The following SORL1 variants were observed in gnomAD, a reference collection of about 807,000 sequenced individuals.
The protein encoded by SORL1 is sortilin-related receptor.
Under a neutral mutation model 273.7 loss-of-function variants are expected in SORL1, and 127 were observed. The ratio of observed to expected loss-of-function variants is 0.46; its 90% CI spans 0.40 to 0.54. The LOEUF (loss-of-function observed/expected upper bound fraction) is 0.54. Among genes scored for constraint, SORL1 ranks in the 20% least tolerant of loss-of-function variants. The probability of loss-of-function intolerance (pLI) is 0.00; values close to 1 mark genes in which losing one functional copy is unlikely to be tolerated. For synonymous variants in SORL1, 1,031 were observed against 1,067.4 expected (o/e 0.97, Z 0.66); for missense variants, 2,494 against 2,846.1 (o/e 0.88, Z 2.81).
chr11:121,492,140 C>G (rs1861562751), intron 5 of SORL1, among the ~76,000 whole-genome samples: 1 of 152,116 alleles, frequency 6.6e-6, no homozygotes, highest in African/African-American at 2.4e-5. Context: ...GTGGGTGGAC[C>G]ATCTGAGGTC....
chr11:121,586,116 T>C, intron 26 of SORL1, 106 bp from the exon 27 acceptor site: 2 of 818,804 alleles, frequency 2.4e-6, no homozygotes, highest in Non-Finnish European at 4.3e-6. Context: ...ACAGCCAAAT[T>C]GCCCTCCCCA....
At chr11:121,493,121 G>A (rs931093492) in intron 5 of SORL1, among the ~76,000 whole-genome samples, 1 of 152,114 alleles carries the variant, frequency 6.6e-6, no homozygotes, top group Non-Finnish European at 1.5e-5. Flanking sequence ...TAGGACTACA[G>A]GCATGTGCAG....
rs757083831 is a variant in SORL1, at chr11:121,559,603, A to G, written c.2995A>G (p.Asn999Asp). ...YSGSQMEILA[N>D]QLTGLMDMKI... ...TGGGTCCCAGATGGAGATTCTGGCA[A>G]ACCAGCTCACGGGGCTCATGGACAT... Residue 999 changes from asparagine (N) to aspartate (D), a missense_variant, in exon 21 of 48, where the codon AAC (asparagine) becomes GAC (aspartate). Physicochemically the swap from Asn to Asp is conservative, Grantham distance 23 (BLOSUM62 1). Coordinates refer to ENST00000260197, the MANE Select transcript of SORL1 (RefSeq NM_003105.6). The G allele has an allele frequency of 5.0e-5, 81 of 1,614,048 alleles. No individual in the cohort carries two copies. The highest frequency in any genetic ancestry group is 2.2e-4 in the Admixed American group (13 of 60,002).
intron 31 of SORL1, among the ~76,000 whole-genome samples, chr11:121,591,456 C>T (rs1047052192): frequency 2.6e-5 from 4 of 152,218 alleles, no homozygotes; most frequent in Admixed American, 1.3e-4. Flanking sequence ...GGTTATGCCA[C>T]CTTTGCTGCC....
At chr11:121,486,986 C>T (rs1861483516) in intron 3 of SORL1, among the ~76,000 whole-genome samples, 1 of 152,120 alleles carries the variant, frequency 6.6e-6, no homozygotes, top group Non-Finnish European at 1.5e-5. Flanking sequence ...CTCATCAAAC[C>T]CATGCTATAT....
intron 3 of SORL1, 24 bp from the exon 4 acceptor site, chr11:121,488,008 C>T: frequency 6.2e-7 from 1 of 1,612,946 alleles, no homozygotes; most frequent in East Asian, 2.2e-5. Flanking sequence ...GGCCTGCTCT[C>T]AACTTACCTG....
At chr11:121,612,522 G>T in intron 39 of SORL1, 2 of 375,398 alleles carry the variant, frequency 5.3e-6, no homozygotes, top group Non-Finnish European at 9.8e-6. Context: ...ATATGGTCTC[G>T]TTTGTTTTTA....
chr11:121,607,799 T>C lies in SORL1; in HGVS notation c.5167-305T>C, dbSNP rs143571589. On this transcript the variant is annotated intron_variant, in intron 37 of 47. Transcript: ENST00000260197. ...ATTTTGTCAGTACCCTTTTTGTATA[T>C]GTGTGTATTTATGAACACACCCCCC... Among the ~76,000 whole-genome samples the C allele has an allele frequency of 2.0e-3, 299 of 152,354 alleles. 1 individual carries two copies. The highest frequency in any genetic ancestry group is 6.9e-3 in the African/African-American group (285 of 41,588).
At chr11:121,619,196 G>A (rs541200232) in intron 42 of SORL1, among the ~76,000 whole-genome samples, 2 of 152,322 alleles carry the variant, frequency 1.3e-5, no homozygotes, top group South Asian at 4.1e-4. Context: ...ATACTTTTAT[G>A]TGTGTGCCAA....
chr11:121,470,006 G>T lies in SORL1; in HGVS notation c.286-1G>T. On this transcript the variant is annotated splice_acceptor_variant, in intron 1 of 47. Coordinates refer to ENST00000260197, the MANE Select transcript of SORL1 (RefSeq NM_003105.6). LOFTEE classifies it high-confidence loss of function. ...CTAATTCCTACATTGATCTCTTTCA[G>T]GTTAGTCTGAATGATTCCCACAATC... 6.2e-7 allele frequency: 1 copy of T among 1,605,990 alleles called. No homozygotes were observed. The highest frequency in any genetic ancestry group is 8.5e-7 in the Non-Finnish European group (1 of 1,172,548).
chr11:121,497,008 T>A lies in SORL1; in HGVS notation c.898T>A (p.Phe300Ile), dbSNP rs1861642120. ...AGTGATCCTTGAGGAAGTGAGAGAT[T>A]TTCAGCTTCGGGACAAGTACATGTT... is the stretch of plus-strand genomic sequence containing the variant. ...QEVILEEVRD[F>I]QLRDKYMFAT... The change falls in exon 6 of 48, where the codon TTT (phenylalanine) becomes ATT (isoleucine). Residue 300 changes from phenylalanine to isoleucine, a missense_variant. Around this residue, in one of 3 missense-constraint regions of SORL1, gnomAD observed 710 missense variants for 882.5 expected, o/e 0.80. Coordinates refer to ENST00000260197, the MANE Select transcript of SORL1 (RefSeq NM_003105.6). The A allele has an allele frequency of 6.2e-7, 1 of 1,613,988 alleles. No homozygotes were observed. Among genetic ancestry groups the A allele is most frequent in the Non-Finnish European group, 8.5e-7 (1 of 1,180,020 alleles).
intron 31 of SORL1, among the ~76,000 whole-genome samples, chr11:121,591,983 G>A (rs1315620332): frequency 6.6e-6 from 1 of 151,974 alleles, no homozygotes; most frequent in Non-Finnish European, 1.5e-5. Context: ...TGGTCTTTTT[G>A]CCATATTGAG....
In SORL1 at chr11:121,607,200, G is replaced by T; in HGVS notation, c.5076G>T (p.Arg1692Ser). ...LIREYIVEYS[R>S]SGSKMWASQR... ...TCTCCCTTTAGGTAGAATACAGCAG[G>T]AGTGGTTCCAAGATGTGGGCCTCCC... The change falls in exon 37 of 48, where the codon AGG (arginine) becomes AGT (serine). Residue 1692 changes from arginine (R) to serine (S), a missense_variant. Arg to Ser is a moderately radical substitution (Grantham distance 110). Around this residue, in one of 3 missense-constraint regions of SORL1, gnomAD observed 1,609 missense variants for 1,816.4 expected, o/e 0.89. Coordinates refer to ENST00000260197, the MANE Select transcript of SORL1 (RefSeq NM_003105.6). The T allele has an allele frequency of 6.2e-7, 1 of 1,607,438 alleles. No homozygotes were observed. The highest frequency in any genetic ancestry group is 1.1e-5 in the South Asian group (1 of 90,918).
intron 6 of SORL1, among the ~76,000 whole-genome samples, 155 bp from the exon 7 acceptor site, chr11:121,512,848 G>T (rs1036034691): frequency 6.6e-6 from 1 of 152,192 alleles, no homozygotes; most frequent in African/African-American, 2.4e-5. Flanking sequence ...GCCCAGTGAT[G>T]GCAGACATTG....
At chr11:121,541,755 A>G (rs901951297) in intron 12 of SORL1, among the ~76,000 whole-genome samples, 12 of 152,220 alleles carry the variant, frequency 7.9e-5, no homozygotes, top group African/African-American at 2.9e-4. Flanking sequence ...ACTGGGTGAT[A>G]AAACAAGTGT....
intron 25 of SORL1, among the ~76,000 whole-genome samples, chr11:121,580,137 T>C (rs1435669281): frequency 6.6e-6 from 1 of 152,240 alleles, no homozygotes; most frequent in Non-Finnish European, 1.5e-5. Flanking sequence ...TTATCCTGCT[T>C]GAGACTTTGT....
intron 14 of SORL1, among the ~76,000 whole-genome samples, chr11:121,547,804 A>G (rs1862456568): frequency 6.6e-6 from 1 of 152,112 alleles, no homozygotes; most frequent in South Asian, 2.1e-4. Context: ...GCATTGGACT[A>G]TGGCACTGAG....
At chr11:121,549,808 A>G (rs1227358280) in intron 14 of SORL1, 152 bp from the exon 15 acceptor site, 4 of 507,214 alleles carry the variant, frequency 7.9e-6, no homozygotes, top group African/African-American at 5.9e-5. Context: ...TTGAAGATGT[A>G]TTTTATATAA....
chr11:121,627,386 G>A lies in SORL1; in HGVS notation c.6365-169G>A. On this transcript the variant is annotated intron_variant, in intron 46 of 47. Transcript: ENST00000260197. This position sits in a 1 kb window ranked among gnomAD's most constrained non-coding sequence, Gnocchi z 4.9. ...GTCTATCAGCTCATGGCAAGTAGTG[G>A]GGAAGCAATCAGGCATCACGCACAT... The A allele has an allele frequency of 3.2e-6, 2 of 624,174 alleles. No homozygotes were observed. The highest frequency in any genetic ancestry group is 5.7e-6 in the Non-Finnish European group (2 of 350,084). The allele number at this position is 624,174 out of a possible 1,614,324, so 38.7% of individuals were successfully genotyped here. A position where few individuals can be genotyped will look rare whatever the true frequency, so the allele number is the denominator to read the frequency against.
Sources: gnomAD v4.1 joint callset for allele counts (sites outside exome capture counted in the v4.1 genomes callset) on GRCh38, gnomAD v4.1.1 for gene constraint, gnomAD v4.1.1 regional missense constraint, Gnocchi (gnomAD v3.1) non-coding constraint, MANE v1.5 for transcripts, NCBI Gene and HGNC (gene_info 2026-07-23, HGNC 2026-07-21) for gene names.